ABCG5: variants seen among roughly 807,000 people sequenced by gnomAD.
The protein encoded by ABCG5 is ATP binding cassette subfamily G member 5.
ABCG5 carries 64 observed loss-of-function variants against 64.5 expected under a neutral mutation model. The ratio of observed to expected loss-of-function variants is 0.99; its 90% CI spans 0.81 to 1.22. The LOEUF (loss-of-function observed/expected upper bound fraction) is 1.22. Ranked by LOEUF, ABCG5 falls within the 50% of genes most tolerant of loss-of-function variation. ABCG5 has a pLI of 0.00. For synonymous variants in ABCG5, 385 were observed against 326.3 expected (o/e 1.18, Z -1.94); for missense variants, 908 against 829.5 (o/e 1.09, Z -1.16).
In ABCG5 at chr2:43,824,216, T is replaced by C; in HGVS notation, c.1118+3A>G. 6.2e-7 allele frequency: 1 copy of C among 1,614,222 alleles called. No homozygotes were observed. Reference sequence around the variant, plus strand: ...GCATTTCTCACATTTGTGAGCCTCTTACCTCAGGAGAACACCCAGTTTAGA... The same window carrying C: ...GCATTTCTCACATTTGTGAGCCTCTCACCTCAGGAGAACACCCAGTTTAGA... On this transcript the variant is annotated splice_donor_region_variant and intron_variant, in intron 8 of 12. Coordinates refer to ENST00000405322, the MANE Select transcript of ABCG5 (RefSeq NM_022436.3).
intron 4 of ABCG5, among the ~76,000 whole-genome samples, chr2:43,829,817 A>G (rs1013661463): frequency 6.6e-6 from 1 of 152,260 alleles, no homozygotes; most frequent in African/African-American, 2.4e-5. Context: ...AGAAGAGGGA[A>G]TGACTTGTGG....
At chr2:43,811,163 G>T (rs929960793), downstream of ABCG5, among the ~76,000 whole-genome samples, 2 of 152,082 alleles carry the variant, frequency 1.3e-5, no homozygotes, top group African/African-American at 2.4e-5. Context: ...AGGTTCCTGT[G>T]GGACTCTCTT....
At chr2:43,821,621 T>C (rs1226894005) in intron 10 of ABCG5, among the ~76,000 whole-genome samples, 1 of 152,196 alleles carries the variant, frequency 6.6e-6, no homozygotes, top group African/African-American at 2.4e-5. Flanking sequence ...GAAGGTGTGC[T>C]GGACAATGCC....
downstream of ABCG5, among the ~76,000 whole-genome samples, chr2:43,809,133 G>A (rs575062709): frequency 3.3e-5 from 5 of 151,950 alleles, no homozygotes; most frequent in South Asian, 2.1e-4. Context: ...GGACCACAGC[G>A]CACACCACCA....
downstream of ABCG5, chr2:43,809,751 T>A (rs747785913): frequency 4.2e-5 from 67 of 1,611,970 alleles, no homozygotes; most frequent in Non-Finnish European, 5.4e-5. Flanking sequence ...TGGAAACAAA[T>A]CGAGCTTGAT....
chr2:43,833,363 ATATTATTAT>A (rs67113914), intron 2 of ABCG5, among the ~76,000 whole-genome samples: 6,366 of 144,202 alleles, frequency 0.044, 194 homozygotes, highest in Non-Finnish European at 0.06. Flanking sequence ...TTTTGTTGAA[ATATTATTAT>A]TATTATTATT....
chr2:43,818,979 G>A lies in ABCG5; in HGVS notation c.1649+936C>T, dbSNP rs764603835. On this transcript the variant is annotated intron_variant, in intron 11 of 12. Transcript: ENST00000405322. ...AGCCTCTCTCCACGAAGTCACGTGC[G>A]TCACAGCCTTCATAGTGGTGTGACT... Among the ~76,000 whole-genome samples, 26 of 152,224 alleles carry A rather than the reference G, an allele frequency of 1.7e-4. No homozygotes were observed. The South Asian group carries it at 2.1e-3, about 12-fold the overall frequency.
At position 43,823,901 on chromosome 2, in the gene ABCG5, G is replaced by A. The variant is rs761230267; in HGVS notation, c.1324+12C>T. ...GGAGAAAGAGGTGCACCTCCAGCAC[G>A]TGGGCACTTACACAGATTCACAGCG... On this transcript the variant is annotated intron_variant, in intron 9 of 12. Transcript: ENST00000405322. 9 of 1,613,042 alleles carry A rather than the reference G, an allele frequency of 5.6e-6. No homozygotes were observed. Among genetic ancestry groups the A allele is most frequent in the East Asian group, 4.5e-5 (2 of 44,852 alleles).
downstream of ABCG5, among the ~76,000 whole-genome samples, chr2:43,807,768 A>C (rs1169208986): frequency 6.6e-6 from 1 of 150,408 alleles, no homozygotes; most frequent in African/African-American, 2.5e-5. Flanking sequence ...AAAAAAAAAA[A>C]AAAAAGGTTA....
the ABCG5 span, among the ~76,000 whole-genome samples, chr2:43,806,406 C>T: frequency 6.6e-6 from 1 of 152,080 alleles, no homozygotes; most frequent in Non-Finnish European, 1.5e-5. Flanking sequence ...TATTCACCTT[C>T]GGGGGCTGTT....
chr2:43,810,573 T>C (rs1010196468), downstream of ABCG5: 3 of 945,946 alleles, frequency 3.2e-6, no homozygotes, highest in East Asian at 3.5e-4. Context: ...TGTTCTTCCA[T>C]GTCCACATAC....
Position 43,837,891 on chromosome 2 carries a change from T to C in ABCG5, c.208A>G (p.Lys70Glu), listed in dbSNP as rs1668382922. Residue 70 changes from lysine to glutamate, a missense_variant, in exon 2 of 13, where the codon AAA (lysine) becomes GAA (glutamate). Lys to Glu is a moderately conservative substitution (Grantham distance 56, BLOSUM62 1). Transcript: ENST00000405322. ...CRQQWTRQIL[K>E]DVSLYVESGQ... ...CTCTCCACGTACAAGGAGACATCTT[T>C]GAGGATCTGCCTGGTCCACTGCTGC... is the stretch of plus-strand genomic sequence containing the variant. The C allele has an allele frequency of 6.2e-7, 1 of 1,614,140 alleles. No individual in the cohort carries two copies. Among genetic ancestry groups the C allele is most frequent in the South Asian group, 1.1e-5 (1 of 91,084 alleles).
At position 43,838,502 on chromosome 2, in the gene ABCG5, C is replaced by A. The variant is rs1668425746; in HGVS notation, c.143+35G>T. On this transcript the variant is annotated intron_variant, in intron 1 of 12. Transcript: ENST00000405322. The surrounding 1 kb of genome is among the most constrained non-coding windows in gnomAD (Gnocchi z 4.2). ...GGGGTGAGCGCCGGGCCCCGCACTC[C>A]TGGGGGAGCAGCAGCAGCAAGGGCT... 2.5e-6 allele frequency: 4 copies of A among 1,574,902 alleles called. No individual in the cohort carries two copies. Among genetic ancestry groups the A allele is most frequent in the African/African-American group, 1.4e-5 (1 of 74,042 alleles).
Position 43,830,557 on chromosome 2 carries a change from T to C in ABCG5, c.501+1212A>G, listed in dbSNP as rs563066226. On this transcript the variant is annotated intron_variant, in intron 4 of 12. Coordinates refer to ENST00000405322, the MANE Select transcript of ABCG5 (RefSeq NM_022436.3). Reference sequence around the variant, plus strand: ...GTTCTTCCAAGGACAGAAGCAGATCTGCCATGCTATCTCCTTTATTATCAT... The same window carrying C: ...GTTCTTCCAAGGACAGAAGCAGATCCGCCATGCTATCTCCTTTATTATCAT... Among the ~76,000 whole-genome samples the C allele has an allele frequency of 2.0e-5, 3 of 152,384 alleles. No individual in the cohort carries two copies. The East Asian group carries it at 5.8e-4, about 29-fold the overall frequency.
chr2:43,824,962 T>G lies in ABCG5; in HGVS notation c.831A>C (p.Pro277=), dbSNP rs1558746327. Residue 277 remains proline (P), a synonymous_variant, in exon 7 of 13, where the codon CCA becomes CCC. Coordinates refer to ENST00000405322, the MANE Select transcript of ABCG5 (RefSeq NM_022436.3). ...CATTGAAGAAATCAAGCATTTCCGC[T>G]GGCGTGCCACAGAAAATCAGCTCTC... ...SFGELIFCGT[P]AEMLDFFNDC... 1.2e-6 allele frequency: 2 copies of G among 1,614,106 alleles called. No individual in the cohort carries two copies. The highest frequency in any genetic ancestry group is 4.5e-5 in the East Asian group (2 of 44,846).
In ABCG5 at chr2:43,831,814, C is replaced by A; in HGVS notation, c.456G>T (p.Ala152=). ...LTVRETLHYT[A]LLAIRRGNPG... ...GATTGCCGCGGCGGATGGCCAGCAG[C>A]GCGGTGTAGTGCAGCGTCTCGCGCA... The change falls in exon 4 of 13, where the codon GCG becomes GCT. Residue 152 remains alanine, a synonymous_variant. Coordinates refer to ENST00000405322, the MANE Select transcript of ABCG5 (RefSeq NM_022436.3). 6.3e-7 allele frequency: 1 copy of A among 1,589,726 alleles called. No homozygotes were observed. The highest frequency in any genetic ancestry group is 8.5e-7 in the Non-Finnish European group (1 of 1,170,414).
chr2:43,812,424 A>C (rs1666531515), downstream of ABCG5: 1 of 151,850 alleles, frequency 6.6e-6, no homozygotes, highest in Admixed American at 6.6e-5. Context: ...GAAAAATAGC[A>C]AACGAATCTT....
chr2:43,831,502 C>T (rs1176162129), intron 4 of ABCG5, among the ~76,000 whole-genome samples: 1 of 152,134 alleles, frequency 6.6e-6, no homozygotes, highest in Non-Finnish European at 1.5e-5. Context: ...TTTTCACGTT[C>T]TGTTTTCCTC....
chr2:43,817,648 G>A (rs761446270), intron 11 of ABCG5, among the ~76,000 whole-genome samples: 3 of 151,940 alleles, frequency 2.0e-5, no homozygotes, highest in Non-Finnish European at 2.9e-5. Context: ...GGTGGCTCAC[G>A]TCTATAATCC....
Sources: gnomAD v4.1 joint callset for allele counts (sites outside exome capture counted in the v4.1 genomes callset) on GRCh38, gnomAD v4.1.1 for gene constraint, Gnocchi (gnomAD v3.1) non-coding constraint, MANE v1.5 for transcripts, NCBI Gene and HGNC (gene_info 2026-07-23, HGNC 2026-07-21) for gene names.